Variants in SMG6 observed in about 807,000 individuals in gnomAD.
The protein encoded by SMG6 is telomerase-binding protein EST1A.
A neutral mutation model predicts 142.2 loss-of-function variants in SMG6; 66 were observed. That is an observed-to-expected ratio of 0.46 (90% CI 0.38 to 0.57). The LOEUF (loss-of-function observed/expected upper bound fraction) is 0.57. Ranked by LOEUF, SMG6 falls within the 20% of genes least tolerant of loss-of-function variation. The pLI, the probability that SMG6 is intolerant of heterozygous loss-of-function variation, is 0.00. For missense variants in SMG6, 1,793 were observed against 1,832.0 expected (o/e 0.98, Z 0.39); for synonymous variants, 779 against 702.4 (o/e 1.11, Z -1.72).
chr17:2,085,780 G>C lies in SMG6; in HGVS notation c.3479C>G (p.Pro1160Arg), dbSNP rs759013987. 5.0e-6 allele frequency: 8 copies of C among 1,614,184 alleles called. No individual in the cohort carries two copies. In the Admixed American group the frequency reaches 1.3e-4, roughly 27 times the overall value. The part of the protein sequence containing the change: ...GGKYVSVAPV[P>R]DTMGKEMGSQ... ...TCCCATTTCCTTTCCCATGGTGTCT[G>C]GGACGGGTGCCACTGACACATACTT... Residue 1160 changes from proline to arginine, a missense_variant, in exon 14 of 19, where the codon CCA (proline) becomes CGA (arginine). By Grantham distance (103) the Pro-to-Arg change is moderately radical. This residue lies in a region of SMG6 where 1,597 missense variants were observed against 1,584.6 expected (regional missense o/e 1.01). Transcript: ENST00000263073. The surrounding 1 kb of genome is among the most constrained non-coding windows in gnomAD (Gnocchi z 4.1).
chr17:2,126,726 A>AT (rs2069892713), intron 13 of SMG6, among the ~76,000 whole-genome samples: 1 of 150,432 alleles, frequency 6.6e-6, no homozygotes, highest in African/African-American at 2.5e-5. Flanking sequence ...AAAAAAAAAA[A>AT]AAAAAAAGCA....
At chr17:2,236,204 C>T (rs2073646249) in intron 10 of SMG6, 1 of 237,816 alleles carries the variant, frequency 4.2e-6, no homozygotes, top group Admixed American at 5.6e-5. Context: ...TTCAAGAGGC[C>T]TTGCTGCTGC....
At chr17:2,235,427 C>T (rs1433073623) in intron 10 of SMG6, among the ~76,000 whole-genome samples, 1 of 152,164 alleles carries the variant, frequency 6.6e-6, no homozygotes, top group Non-Finnish European at 1.5e-5. Context: ...TTCACTCCCC[C>T]ACCACAACCA....
At chr17:2,222,530 G>C (rs1385972287) in intron 10 of SMG6, among the ~76,000 whole-genome samples, 1 of 127,474 alleles carries the variant, frequency 7.8e-6, no homozygotes, top group Admixed American at 8.5e-5. Flanking sequence ...AATGAGCTCA[G>C]AGAGAGGCAA....
At position 2,298,994 on chromosome 17, in the gene SMG6, C is replaced by A. The variant is rs746559409; in HGVS notation, c.1759G>T (p.Val587Leu). 1 of 1,614,172 alleles carries A rather than the reference C, an allele frequency of 6.2e-7. No homozygotes were observed. Among genetic ancestry groups the A allele is most frequent in the Non-Finnish European group, 8.5e-7 (1 of 1,180,032 alleles). Residue 587 changes from valine (V) to leucine (L), a missense_variant, in exon 2 of 19, where the codon GTG becomes TTG. This residue lies in a region of SMG6 where 1,597 missense variants were observed against 1,584.6 expected (regional missense o/e 1.01). Coordinates refer to ENST00000263073, the MANE Select transcript of SMG6 (RefSeq NM_017575.5). ...QQQELHRLLR[V>L]ADNQELQLSN... is the part of the protein sequence containing the mutation. ...AGCTGCAGTTCCTGGTTGTCAGCCACCCGGAGAAGCCTGTGCAGCTCCTGT... is the reference window on the plus strand; with the variant it reads ...AGCTGCAGTTCCTGGTTGTCAGCCAACCGGAGAAGCCTGTGCAGCTCCTGT...
In SMG6 at chr17:2,091,296, A is replaced by C. The variant is rs560082356; in HGVS notation, c.3358-5395T>G. 5.9e-5 allele frequency among the ~76,000 whole-genome samples: 9 copies of C among 152,350 alleles called. No homozygotes were observed. In the East Asian group the frequency reaches 1.5e-3, roughly 26 times the overall value. On this transcript the variant is annotated intron_variant, in intron 13 of 18. Coordinates refer to ENST00000263073, the MANE Select transcript of SMG6 (RefSeq NM_017575.5). The stretch of plus-strand genomic sequence containing the variant: ...TTCCTAGGGGGAGGGGCCTCCTGGC[A>C]GGAAGCAGACTCCAGAAGGCAGGAG...
intron 10 of SMG6, among the ~76,000 whole-genome samples, chr17:2,228,679 A>G (rs980952284): frequency 1.3e-5 from 2 of 152,156 alleles, no homozygotes; most frequent in African/African-American, 4.8e-5. Flanking sequence ...TATATTTTAC[A>G]TATATATACA....
intron 13 of SMG6, among the ~76,000 whole-genome samples, chr17:2,166,872 C>T (rs2071354173): frequency 6.6e-6 from 1 of 152,108 alleles, no homozygotes; most frequent in South Asian, 2.1e-4. Flanking sequence ...TGCCTGTAAT[C>T]CTAGCACTCT....
At chr17:2,155,372 G>C (rs887545182) in intron 13 of SMG6, among the ~76,000 whole-genome samples, 1 of 152,082 alleles carries the variant, frequency 6.6e-6, no homozygotes, top group African/African-American at 2.4e-5. Context: ...CAAGAAATCT[G>C]TCATGTTTTC....
intron 13 of SMG6, among the ~76,000 whole-genome samples, chr17:2,122,171 A>G (rs2069722832): frequency 6.6e-6 from 1 of 152,200 alleles, no homozygotes; most frequent in Non-Finnish European, 1.5e-5. Flanking sequence ...AGATGGGGGA[A>G]GAGAGGGAGA....
Position 2,071,156 on chromosome 17 carries a change from CGCCTCTGCCTCT to C in SMG6, c.3682-2237_3682-2226del, listed in dbSNP as rs764740839. Among the ~76,000 whole-genome samples, 1 of 152,154 alleles carries C rather than the reference CGCCTCTGCCTCT, an allele frequency of 6.6e-6. No homozygotes were observed. The highest frequency in any genetic ancestry group is 1.5e-5 in the Non-Finnish European group (1 of 68,026). On this transcript the variant is annotated intron_variant, in intron 15 of 18. Coordinates refer to ENST00000263073, the MANE Select transcript of SMG6 (RefSeq NM_017575.5). The surrounding 1 kb of genome is among the most constrained non-coding windows in gnomAD (Gnocchi z 5.6). ...GGGCTGGGGGTCCGGCTCTGCACTG[CGCCTCTGCCTCT>C]GCCTCTGCCCCGCAAGTCCACTACC...
chr17:2,135,996 ATGTGTGTGTGTGTG>A (rs545225787), intron 13 of SMG6, among the ~76,000 whole-genome samples: 1,606 of 141,212 alleles, frequency 0.011, 32 homozygotes, highest in African/African-American at 0.037. Flanking sequence ...ATATATATTT[ATGTGTGTGTGTGTG>A]TGTGTGTGTG....
intron 13 of SMG6, 112 bp from the exon 14 acceptor site, chr17:2,086,013 C>A (rs975664273): frequency 1.5e-5 from 16 of 1,095,834 alleles, no homozygotes; most frequent in Non-Finnish European, 5.5e-6. Context: ...AGCTACCAGG[C>A]AAGGGGGTCA....
chr17:2,225,062 T>C (rs4790317), intron 10 of SMG6, among the ~76,000 whole-genome samples: 6 of 152,180 alleles, frequency 3.9e-5, no homozygotes, highest in Admixed American at 2.6e-4. Flanking sequence ...AAATGAAGAA[T>C]ATTTGCCTTC....
At chr17:2,295,648 T>C (rs2075128758) in intron 4 of SMG6, among the ~76,000 whole-genome samples, 1 of 152,130 alleles carries the variant, frequency 6.6e-6, no homozygotes, top group Admixed American at 6.6e-5. Context: ...CCCCCGTTTC[T>C]GGCCAGCCTT....
intron 13 of SMG6, among the ~76,000 whole-genome samples, chr17:2,117,104 T>G (rs1196488998): frequency 6.6e-6 from 1 of 151,842 alleles, no homozygotes; most frequent in Non-Finnish European, 1.5e-5. Context: ...TAAATTTTTT[T>G]TTTTTTTTGA....
In SMG6 at chr17:2,283,705, T is replaced by C; in HGVS notation, c.2368A>G (p.Met790Val). Residue 790 changes from methionine (M) to valine (V), a missense_variant, in exon 7 of 19, where the codon ATG becomes GTG. Met to Val is a conservative substitution (Grantham distance 21). This residue lies in a region of SMG6 where 1,597 missense variants were observed against 1,584.6 expected (regional missense o/e 1.01). Coordinates refer to ENST00000263073, the MANE Select transcript of SMG6 (RefSeq NM_017575.5). Reference sequence around the variant, plus strand: ...GGGTTGCTGGCAGCTAAACTGCGCATATAGTAATAGACAGCGTCAAGCTTC... The same window carrying C: ...GGGTTGCTGGCAGCTAAACTGCGCACATAGTAATAGACAGCGTCAAGCTTC... ...RRKLDAVYYY[M>V]RSLAASNPIL... The C allele has an allele frequency of 1.2e-6, 2 of 1,614,122 alleles. No homozygotes were observed. Among genetic ancestry groups the C allele is most frequent in the Non-Finnish European group, 1.7e-6 (2 of 1,180,014 alleles).
chr17:2,218,302 C>A (rs2073076457), intron 10 of SMG6, among the ~76,000 whole-genome samples: 2 of 152,120 alleles, frequency 1.3e-5, no homozygotes, highest in Admixed American at 6.5e-5. Context: ...GTAATCCCAG[C>A]ACTTTGGGAG....
intron 10 of SMG6, among the ~76,000 whole-genome samples, chr17:2,206,934 G>C (rs970187672): frequency 1.3e-5 from 2 of 151,166 alleles, no homozygotes; most frequent in African/African-American, 4.9e-5. Flanking sequence ...AACAAATAAA[G>C]ATGAAAGTAA....
Sources: allele counts gnomAD v4.1 joint callset (sites outside exome capture counted in the v4.1 genomes callset), GRCh38; gene constraint gnomAD v4.1.1; regional missense constraint gnomAD v4.1.1; non-coding constraint Gnocchi (gnomAD v3.1); transcripts MANE v1.5; gene names NCBI Gene and HGNC (gene_info 2026-07-23, HGNC 2026-07-21).